The following GRIK4 variants were observed in gnomAD, a reference collection of about 807,000 sequenced individuals.
GRIK4 encodes the protein glutamate ionotropic receptor kainate type subunit 4.
Under a neutral mutation model 104.9 loss-of-function variants are expected in GRIK4, and 40 were observed. The observed-to-expected ratio is 0.38, with a 90% CI of 0.30 to 0.50. The LOEUF (loss-of-function observed/expected upper bound fraction) is 0.50. Ranked by LOEUF, GRIK4 falls within the 20% of genes least tolerant of loss-of-function variation. The pLI is 0.93. For synonymous variants in GRIK4, 485 were observed against 524.9 expected (o/e 0.92, Z 1.04); for missense variants, 1,047 against 1,308.1 (o/e 0.80, Z 3.08).
Position 120,986,071 on chromosome 11 carries a change from G to T in GRIK4, c.2682G>T (p.Gly894=). 6.6e-7 allele frequency: 1 copy of T among 1,517,180 alleles called. No homozygotes were observed. The highest frequency in any genetic ancestry group is 8.8e-7 in the Non-Finnish European group (1 of 1,136,960). 94.0% of individuals were successfully genotyped at this position (1,517,180 alleles called of 1,614,324 possible). A position where few individuals can be genotyped will look rare whatever the true frequency, so the allele number is the denominator to read the frequency against. ...TATLSNGKLC[G]AGEPDQLAQR... ...CGCTCAGCAACGGGAAGCTGTGCGG[G>T]GCAGGGGAGCCCGACCAGCTCGCGC... Residue 894 remains glycine, a synonymous_variant, in exon 21 of 21, where the codon GGG becomes GGT. Transcript: ENST00000527524.
chr11:120,777,452 C>T (rs1043241574), intron 3 of GRIK4, among the ~76,000 whole-genome samples: 6 of 152,244 alleles, frequency 3.9e-5, no homozygotes, highest in African/African-American at 7.2e-5. Flanking sequence ...CCGCTCCAGC[C>T]GCCATTCATG....
At chr11:120,874,913 TGGG>T (rs1366997361) in intron 10 of GRIK4, among the ~76,000 whole-genome samples, 1 of 152,130 alleles carries the variant, frequency 6.6e-6, no homozygotes, top group African/African-American at 2.4e-5. Flanking sequence ...ATGGGGTTAT[TGGG>T]GGAGCATTCT....
intron 1 of GRIK4, among the ~76,000 whole-genome samples, chr11:120,623,882 G>C (rs1009393202): frequency 7.2e-5 from 11 of 152,092 alleles, no homozygotes; most frequent in Non-Finnish European, 1.6e-4. Flanking sequence ...CAGAGCTCCT[G>C]CTGCCCTCCG....
chr11:120,569,346 C>A (rs1948369386), intron 1 of GRIK4, among the ~76,000 whole-genome samples: 1 of 152,224 alleles, frequency 6.6e-6, no homozygotes, highest in Non-Finnish European at 1.5e-5. Flanking sequence ...GATGATAATA[C>A]TAATAATTCA....
chr11:120,860,351 G>T (rs1954227842), intron 8 of GRIK4, among the ~76,000 whole-genome samples: 1 of 152,158 alleles, frequency 6.6e-6, no homozygotes, highest in Non-Finnish European at 1.5e-5. Context: ...AGACCTTGGG[G>T]GCCAGGGCTC....
chr11:120,899,541 G>T (rs578133868), intron 12 of GRIK4, among the ~76,000 whole-genome samples: 122 of 152,148 alleles, frequency 8.0e-4, no homozygotes, highest in African/African-American at 2.8e-3. Flanking sequence ...CATGTGCCAG[G>T]TGCTGTACCC....
intron 11 of GRIK4, among the ~76,000 whole-genome samples, chr11:120,888,321 A>C (rs903467111): frequency 6.6e-6 from 1 of 151,960 alleles, no homozygotes; most frequent in Non-Finnish European, 1.5e-5. Flanking sequence ...TTAACTATGG[A>C]GCTTTGGGCA....
chr11:120,567,404 C>T (rs564844327), intron 1 of GRIK4, among the ~76,000 whole-genome samples: 1 of 152,262 alleles, frequency 6.6e-6, no homozygotes, highest in East Asian at 1.9e-4. Context: ...AGCAATCCTC[C>T]CACCTCGGCC....
At chr11:120,561,409 C>T (rs574030204) in intron 1 of GRIK4, among the ~76,000 whole-genome samples, 8 of 152,348 alleles carry the variant, frequency 5.3e-5, no homozygotes, top group South Asian at 4.1e-4. Flanking sequence ...TCTTCCTGCA[C>T]GCTCACCAGC....
intron 12 of GRIK4, among the ~76,000 whole-genome samples, 200 bp downstream of exon 12, chr11:120,898,839 G>C (rs1942656521): frequency 6.6e-6 from 1 of 152,218 alleles, no homozygotes. Flanking sequence ...GTGGGGGGAG[G>C]GTTGGGGTGG....
chr11:120,559,644 T>C (rs1948220321), intron 1 of GRIK4, among the ~76,000 whole-genome samples: 2 of 152,226 alleles, frequency 1.3e-5, no homozygotes. Flanking sequence ...GTCATTATTA[T>C]AAACACCAGC....
chr11:120,956,622 A>T lies in GRIK4; in HGVS notation c.1701-158A>T, dbSNP rs1004307225. On this transcript the variant is annotated intron_variant, in intron 15 of 20. Coordinates refer to ENST00000527524, the MANE Select transcript of GRIK4 (RefSeq NM_014619.5). This position sits in a 1 kb window ranked among gnomAD's most constrained non-coding sequence, Gnocchi z 4.6. ...CAGTTCAACCCACTTATTTTATTTT[A>T]TTTTTTTTTTGGTTGCGAAACTCCA... Among the ~76,000 whole-genome samples the T allele has an allele frequency of 8.7e-5, 13 of 148,728 alleles. No homozygotes were observed. The highest frequency in any genetic ancestry group is 2.5e-4 in the African/African-American group (10 of 40,494).
intron 13 of GRIK4, among the ~76,000 whole-genome samples, chr11:120,927,581 AAAAAAAAAG>A (rs1332285571): frequency 2.7e-5 from 4 of 150,556 alleles, no homozygotes; most frequent in African/African-American, 9.8e-5. Context: ...AAAAAAAAAA[AAAAAAAAAG>A]AAAGAAAGAA....
chr11:120,931,946 A>G (rs1943490694), intron 13 of GRIK4, among the ~76,000 whole-genome samples: 1 of 151,984 alleles, frequency 6.6e-6, no homozygotes, highest in Non-Finnish European at 1.5e-5. Context: ...AAAAGCACCA[A>G]GCTCCCTCCT....
intron 3 of GRIK4, among the ~76,000 whole-genome samples, chr11:120,772,333 G>A (rs1951962653): frequency 6.6e-6 from 1 of 152,210 alleles, no homozygotes; most frequent in Non-Finnish European, 1.5e-5. Context: ...TACACAGCCA[G>A]TATATTAGAT....
At chr11:120,528,597 T>C (rs749735855) in intron 1 of GRIK4, among the ~76,000 whole-genome samples, 1 of 152,074 alleles carries the variant, frequency 6.6e-6, no homozygotes, top group African/African-American at 2.4e-5. Context: ...GGGTAACTTA[T>C]ACAGGAAAAA....
intron 1 of GRIK4, among the ~76,000 whole-genome samples, chr11:120,519,657 GA>G (rs1375676079): frequency 1.3e-5 from 2 of 152,204 alleles, no homozygotes; most frequent in African/African-American, 4.8e-5. Flanking sequence ...TGAGGAAGCT[GA>G]GATTCAGAGT....
Position 120,523,029 on chromosome 11 carries a change from G to A in GRIK4, c.-159+11142G>A, listed in dbSNP as rs111520166. Reference sequence around the variant, plus strand: ...GCCAGATTGGTGGTGGGGTCCTGGGGACAGGAGCCTGAGGACTAGGAGAAC... The same window carrying A: ...GCCAGATTGGTGGTGGGGTCCTGGGAACAGGAGCCTGAGGACTAGGAGAAC... On this transcript the variant is annotated intron_variant, in intron 1 of 20. Transcript: ENST00000527524. 2.1e-3 allele frequency among the ~76,000 whole-genome samples: 324 copies of A among 151,794 alleles called. 2 individuals are homozygous for A. Among genetic ancestry groups the A allele is most frequent in the African/African-American group, 7.3e-3 (304 of 41,368 alleles).
chr11:120,691,950 C>A (rs1243913809), intron 3 of GRIK4, among the ~76,000 whole-genome samples: 1 of 152,210 alleles, frequency 6.6e-6, no homozygotes, highest in East Asian at 1.9e-4. Flanking sequence ...TGCCCCAGTC[C>A]TTTGCTGCGC....
Sources: allele counts gnomAD v4.1 joint callset (sites outside exome capture counted in the v4.1 genomes callset), GRCh38; gene constraint gnomAD v4.1.1; non-coding constraint Gnocchi (gnomAD v3.1); transcripts MANE v1.5; gene names NCBI Gene and HGNC (gene_info 2026-07-23, HGNC 2026-07-21).